The following CALN1 variants were observed in gnomAD, a reference collection of about 807,000 sequenced individuals.
CALN1 encodes the protein calcium-binding protein 8.
CALN1 carries 17 observed loss-of-function variants against 30.6 expected under a neutral mutation model. That is an observed-to-expected ratio of 0.56 (90% confidence interval 0.38 to 0.83). CALN1 has a LOEUF of 0.83. Ranked by LOEUF, CALN1 falls within the 40% of genes least tolerant of loss-of-function variation. CALN1 has a pLI of 0.00. For missense variants in CALN1, 291 were observed against 354.9 expected, an observed-to-expected ratio of 0.82 and a Z score of 1.45; for synonymous variants, 156 against 131.4, an observed-to-expected ratio of 1.19 and a Z score of -1.28.
chr7:72,349,785 T>C (rs1394598682), intron 2 of CALN1, among the ~76,000 whole-genome samples: 2 of 152,186 alleles, frequency 1.3e-5, no homozygotes, highest in Non-Finnish European at 1.5e-5. Flanking sequence ...TGTTATGGGG[T>C]TGTCTGCTTT....
rs548688734 is a variant in CALN1, at chr7:72,363,645, A to ACAGCAG, written c.119+39600_119+39605dup. 9.3e-4 allele frequency among the ~76,000 whole-genome samples: 141 copies of ACAGCAG among 152,136 alleles called. 3 individuals carry two copies. In the South Asian group the frequency reaches 0.029, roughly 31 times the overall value. On this transcript the variant is annotated intron_variant, in intron 2 of 6. Transcript: ENST00000395275. ...CAAAATGTTGAAAGTGAAAGTACTG[A>ACAGCAG]CAGCAGGCATTCATTGGTGGGAATA...
At chr7:72,219,923 C>A (rs1034264873) in intron 3 of CALN1, among the ~76,000 whole-genome samples, 25 of 151,986 alleles carry the variant, frequency 1.6e-4, no homozygotes, top group Non-Finnish European at 8.8e-5. Context: ...TGCAGAAAAA[C>A]ACATTGATTA....
chr7:72,050,114 C>T (rs1010377712), intron 4 of CALN1, among the ~76,000 whole-genome samples: 7 of 152,022 alleles, frequency 4.6e-5, no homozygotes, highest in Non-Finnish European at 7.4e-5. Flanking sequence ...GCCCCTCGCC[C>T]GGCCGAAGGT....
intron 2 of CALN1, among the ~76,000 whole-genome samples, chr7:72,343,546 C>CA (rs34463871): frequency 0.36 from 51,509 of 144,504 alleles, 9,485 homozygotes; most frequent in Admixed American, 0.44. Context: ...GATTCTGTCT[C>CA]AAAAAAAAAA....
chr7:72,366,229 A>C (rs1412622852), intron 2 of CALN1, among the ~76,000 whole-genome samples: 1 of 151,792 alleles, frequency 6.6e-6, no homozygotes, highest in Non-Finnish European at 1.5e-5. Flanking sequence ...GCTGGAGTGC[A>C]GTGGCGCCAT....
chr7:71,973,689 T>C (rs1797961708), intron 5 of CALN1, among the ~76,000 whole-genome samples: 1 of 151,792 alleles, frequency 6.6e-6, no homozygotes. Flanking sequence ...TTTGGCACAT[T>C]TAAGATGCAT....
chr7:72,117,034 T>C (rs1229625005), intron 3 of CALN1, among the ~76,000 whole-genome samples: 1 of 152,132 alleles, frequency 6.6e-6, no homozygotes, highest in Non-Finnish European at 1.5e-5. Flanking sequence ...TTTCTGAGGC[T>C]GAGTGCAGCA....
rs372141663 is a variant in CALN1 at position 71,824,338 on chromosome 7, C to T, written c.502-13846G>A. On this transcript the variant is annotated intron_variant, in intron 5 of 6. Coordinates refer to ENST00000395275, the MANE Select transcript of CALN1 (RefSeq NM_031468.4). ...ATCCAGGAGAAGGCCAGGAGGAGCA[C>T]TCTCTACAGGTGGACTTCCCATGTT... Among the ~76,000 whole-genome samples the T allele has an allele frequency of 7.2e-5, 11 of 152,266 alleles. No homozygotes were observed. In the East Asian group the frequency reaches 9.7e-4, roughly 13 times the overall value.
intron 1 of CALN1, among the ~76,000 whole-genome samples, chr7:72,405,301 A>C (rs1488548127): frequency 6.6e-6 from 1 of 152,190 alleles, no homozygotes; most frequent in Non-Finnish European, 1.5e-5. Context: ...CACACACACA[A>C]CAGCACTGGT....
chr7:72,342,100 G>T (rs1301364925), intron 2 of CALN1, among the ~76,000 whole-genome samples: 1 of 151,910 alleles, frequency 6.6e-6, no homozygotes, highest in Admixed American at 6.6e-5. Context: ...TACAAAAAAT[G>T]ATTTGCAAAA....
chr7:72,457,792 G>A, the CALN1 span, among the ~76,000 whole-genome samples: 5 of 140,848 alleles, frequency 3.5e-5, no homozygotes, highest in Admixed American at 3.0e-4. Flanking sequence ...GTCTCACTCT[G>A]TCACCCAGGC....
At chr7:71,927,523 A>C (rs1317328390) in intron 5 of CALN1, among the ~76,000 whole-genome samples, 1 of 152,100 alleles carries the variant, frequency 6.6e-6, no homozygotes, top group Non-Finnish European at 1.5e-5. Flanking sequence ...AATGTTTTTA[A>C]TGTAATCTAG....
intron 5 of CALN1, among the ~76,000 whole-genome samples, chr7:71,871,622 C>T (rs1443949905): frequency 6.6e-6 from 1 of 152,168 alleles, no homozygotes; most frequent in Non-Finnish European, 1.5e-5. Flanking sequence ...TGGACTGCCT[C>T]CTGCCTGCCC....
intron 3 of CALN1, among the ~76,000 whole-genome samples, chr7:72,161,629 C>A (rs942627093): frequency 4.6e-5 from 7 of 152,130 alleles, no homozygotes; most frequent in Non-Finnish European, 8.8e-5. Flanking sequence ...AGGTAGAATG[C>A]TGGGCAAAGA....
intron 4 of CALN1, among the ~76,000 whole-genome samples, chr7:72,048,719 CTCT>C (rs1310073945): frequency 2.8e-5 from 4 of 144,184 alleles, no homozygotes; most frequent in South Asian, 2.1e-4. Context: ...TCCTTTTTCC[CTCT>C]TCTTTCCTTC....
At chr7:72,288,660 T>C (rs1040093362) in intron 2 of CALN1, among the ~76,000 whole-genome samples, 1 of 152,244 alleles carries the variant, frequency 6.6e-6, no homozygotes, top group African/African-American at 2.4e-5. Context: ...TCATTTTTAA[T>C]TGGATTTCCT....
intron 3 of CALN1, among the ~76,000 whole-genome samples, chr7:72,143,677 A>T (rs1810128145): frequency 6.6e-6 from 1 of 152,192 alleles, no homozygotes; most frequent in African/African-American, 2.4e-5. Flanking sequence ...TAATTGTCAG[A>T]TTCACCAAAG....
intron 1 of CALN1, among the ~76,000 whole-genome samples, chr7:72,409,411 T>TCCC (rs976582709): frequency 6.9e-5 from 10 of 144,032 alleles, no homozygotes; most frequent in Admixed American, 6.2e-4. Flanking sequence ...TCCACATACC[T>TCCC]CCCTTCCTCA....
chr7:72,119,132 T>C (rs575349445), intron 3 of CALN1, among the ~76,000 whole-genome samples: 8 of 152,238 alleles, frequency 5.3e-5, no homozygotes, highest in Non-Finnish European at 1.5e-5. Context: ...AAGTCTCTAT[T>C]GTAAACTTGC....
Sources: gnomAD v4.1 joint callset for allele counts (sites outside exome capture counted in the v4.1 genomes callset) on GRCh38, gnomAD v4.1.1 for gene constraint, MANE v1.5 for transcripts, NCBI Gene and HGNC (gene_info 2026-07-23, HGNC 2026-07-21) for gene names.